The following SUN2 variants were observed in gnomAD, a reference collection of about 807,000 sequenced individuals.
SUN2 encodes Sad1 and UNC84 domain containing 2.
In SUN2, 60 loss-of-function variants were observed where a neutral mutation model predicts 100.0. The observed-to-expected ratio is 0.60, with a 90% confidence interval of 0.49 to 0.74. The LOEUF is 0.74. SUN2 is among the 30% of genes least tolerant of loss of function. The pLI, the probability that SUN2 is intolerant of heterozygous loss-of-function variation, is 0.00. For missense variants in SUN2, 834 were observed against 954.6 expected (o/e 0.87, Z 1.66); for synonymous variants, 367 against 403.3 (o/e 0.91, Z 1.08).
Position 38,751,260 on chromosome 22 carries a change from C to G in SUN2, c.236G>C (p.Trp79Ser). Residue 79 changes from tryptophan (W) to serine (S), a missense_variant, in exon 3 of 18, where the codon TGG becomes TCG. Physicochemically the swap from Trp to Ser is radical, Grantham distance 177. Around this residue, in one of 3 missense-constraint regions of SUN2, gnomAD observed 559 missense variants for 597.7 expected, o/e 0.94. Coordinates refer to ENST00000689035, the MANE Select transcript of SUN2 (RefSeq NM_015374.3). Reference protein sequence around the residue: ...YYSESLVHESWFPPRSSLEEL... With the variant: ...YYSESLVHESSFPPRSSLEEL... ...CTCCAGGGAGCTCCTGGGTGGGAACCAGGACTCGTGGACCAGCGACTCACT... is the reference window on the plus strand; with the variant it reads ...CTCCAGGGAGCTCCTGGGTGGGAACGAGGACTCGTGGACCAGCGACTCACT... 6.2e-7 allele frequency: 1 copy of G among 1,614,058 alleles called. No homozygotes were observed. The highest frequency in any genetic ancestry group is 1.3e-5 in the African/African-American group (1 of 75,042).
chr22:38,741,012 C>T lies in SUN2; in HGVS notation c.1185G>A (p.Trp395Ter). 6.3e-7 allele frequency: 1 copy of T among 1,595,056 alleles called. No individual in the cohort carries two copies. The highest frequency in any genetic ancestry group is 8.5e-7 in the Non-Finnish European group (1 of 1,170,828). The part of the protein sequence containing the change: ...EARIQQLKSE[W>*]QSMTQESFQE... ...CAGCTGGTGGCGCCCAGTACCTTTG[C>T]CACTCTGACTTCAGCTGCTGGATGC... The change falls in exon 11 of 18, where the codon TGG (tryptophan) becomes TGA (stop). Residue 395 changes from tryptophan (W) to a stop codon, truncating the protein, a stop_gained. Coordinates refer to ENST00000689035, the MANE Select transcript of SUN2 (RefSeq NM_015374.3). LOFTEE classifies it high-confidence loss of function.
chr22:38,736,082 G>A lies in SUN2; in HGVS notation c.*185C>T, dbSNP rs1014257610. On this transcript the variant is annotated 3_prime_UTR_variant, in exon 18 of 18. Transcript: ENST00000689035. ...GGGAAGGAAGAAGGGAGCTGCTGGAGCCTGCTAACCGCCTCGAGCCACCTG... is the reference window on the plus strand; with the variant it reads ...GGGAAGGAAGAAGGGAGCTGCTGGAACCTGCTAACCGCCTCGAGCCACCTG... The A allele has an allele frequency of 1.5e-6, 1 of 672,362 alleles. No individual in the cohort carries two copies. Among genetic ancestry groups the A allele is most frequent in the East Asian group, 2.8e-5 (1 of 35,308 alleles). 41.6% of individuals were successfully genotyped at this position (672,362 alleles called of 1,614,324 possible).
Position 38,738,572 on chromosome 22 carries a change from A to G in SUN2, c.1947+15T>C. Reference sequence around the variant, plus strand: ...CCTGCAGCCCCTCTGGCCCCACCACAGGACAGATACTCACAAAGATGGCGA... The same window carrying G: ...CCTGCAGCCCCTCTGGCCCCACCACGGGACAGATACTCACAAAGATGGCGA... On this transcript the variant is annotated intron_variant, in intron 16 of 17. Transcript: ENST00000689035. The surrounding 1 kb of genome is among the most constrained non-coding windows in gnomAD (Gnocchi z 6.6). The G allele has an allele frequency of 6.2e-7, 1 of 1,609,324 alleles. No individual in the cohort carries two copies. The highest frequency in any genetic ancestry group is 1.3e-5 in the African/African-American group (1 of 74,980).
intron 7 of SUN2, among the ~76,000 whole-genome samples, chr22:38,746,828 G>C (rs1473529527): frequency 6.6e-6 from 1 of 150,906 alleles, no homozygotes; most frequent in Non-Finnish European, 1.5e-5. Flanking sequence ...TCAGGAGATC[G>C]AGACCATCCT....
chr22:38,746,965 T>C (rs1221763523), intron 7 of SUN2, among the ~76,000 whole-genome samples: 1 of 149,106 alleles, frequency 6.7e-6, no homozygotes, highest in Non-Finnish European at 1.5e-5. Flanking sequence ...ACCTGGGAGG[T>C]GGAGCTTGCA....
Position 38,742,285 on chromosome 22 carries a change from G to T in SUN2, c.1068+16C>A. 1 of 1,582,354 alleles carries T rather than the reference G, an allele frequency of 6.3e-7. No homozygotes were observed. Among genetic ancestry groups the T allele is most frequent in the Non-Finnish European group, 8.6e-7 (1 of 1,158,396 alleles). On this transcript the variant is annotated intron_variant, in intron 9 of 17. Coordinates refer to ENST00000689035, the MANE Select transcript of SUN2 (RefSeq NM_015374.3). Reference sequence around the variant, plus strand: ...GGTGTCACCCACCTCCCACCCTGAGGTATTCCACCTCCTACCTGGATGCGA... The same window carrying T: ...GGTGTCACCCACCTCCCACCCTGAGTTATTCCACCTCCTACCTGGATGCGA...
At chr22:38,750,137 G>A in intron 5 of SUN2, 88 bp downstream of exon 5, 1 of 1,532,592 alleles carries the variant, frequency 6.5e-7, no homozygotes, top group Admixed American at 1.8e-5. Context: ...CAGTCTCTCT[G>A]CATGGGCAGG....
intron 5 of SUN2, 56 bp downstream of exon 5, chr22:38,750,169 G>A: frequency 2.5e-6 from 4 of 1,587,060 alleles, no homozygotes; most frequent in Middle Eastern, 1.7e-4. Context: ...CAGAGAGATG[G>A]GTAAGAAAGC....
At position 38,738,213 on chromosome 22, in the gene SUN2, T is replaced by A; in HGVS notation, c.2000A>T (p.Tyr667Phe). 1 of 1,613,982 alleles carries A rather than the reference T, an allele frequency of 6.2e-7. No individual in the cohort carries two copies. The highest frequency in any genetic ancestry group is 8.5e-7 in the Non-Finnish European group (1 of 1,179,996). The change falls in exon 17 of 18, where the codon TAC (tyrosine) becomes TTC (phenylalanine). Residue 667 changes from tyrosine (Y) to phenylalanine (F), a missense_variant. Physicochemically the swap from Tyr to Phe is conservative, Grantham distance 22. Transcript: ENST00000689035. The surrounding 1 kb of genome is among the most constrained non-coding windows in gnomAD (Gnocchi z 6.6). ...QEGTLLGKFT[Y>F]DQDGEPIQTF... ...CTGAATAGGCTCGCCGTCCTGATCGTAAGTGAACTTGCCAAGGAGTGTCCC... is the reference window on the plus strand; with the variant it reads ...CTGAATAGGCTCGCCGTCCTGATCGAAAGTGAACTTGCCAAGGAGTGTCCC...
rs745738283 is a variant in SUN2 at position 38,738,876 on chromosome 22, G to C, written c.1776C>G (p.Leu592=). The C allele has an allele frequency of 6.2e-7, 1 of 1,603,166 alleles. No homozygotes were observed. The highest frequency in any genetic ancestry group is 8.5e-7 in the Non-Finnish European group (1 of 1,172,582). ...GCTGTGCTTGCCAGGTGCCCACCTG[G>C]AGGATGACTCGGGGTGACTGGGAGT... ...WYHSQSPRVI[L]QPDVHPGNCW... is the part of the protein sequence containing the mutation. Residue 592 remains leucine, a synonymous_variant, in exon 15 of 18, where the codon CTC becomes CTG. Transcript: ENST00000689035. This position sits in a 1 kb window ranked among gnomAD's most constrained non-coding sequence, Gnocchi z 6.6.
At chr22:38,746,494 A>G (rs980269408) in intron 7 of SUN2, among the ~76,000 whole-genome samples, 3 of 152,300 alleles carry the variant, frequency 2.0e-5, no homozygotes, top group South Asian at 2.1e-4. Context: ...TTCGCTACTC[A>G]AGCACCAGAG....
chr22:38,745,638 C>T (rs948223287), intron 8 of SUN2, 46 bp downstream of exon 8: 5 of 1,605,658 alleles, frequency 3.1e-6, no homozygotes, highest in East Asian at 2.2e-5. Context: ...TCACCGTCAC[C>T]TAATTATTGC....
At position 38,736,156 on chromosome 22, in the gene SUN2, C is replaced by A; in HGVS notation, c.*111G>T. The A allele has an allele frequency of 9.5e-7, 1 of 1,052,268 alleles. No individual in the cohort carries two copies. 65.2% of individuals were successfully genotyped at this position (1,052,268 alleles called of 1,614,324 possible). A position where few individuals can be genotyped will look rare whatever the true frequency, so the allele number is the denominator to read the frequency against. On this transcript the variant is annotated 3_prime_UTR_variant, in exon 18 of 18. Transcript: ENST00000689035. ...CTTTTCATCTGCATGGGGCCACAGGCTCCTCTCTTGTGCTCCTAGAAGTCA... is the reference window on the plus strand; with the variant it reads ...CTTTTCATCTGCATGGGGCCACAGGATCCTCTCTTGTGCTCCTAGAAGTCA...
In SUN2 at chr22:38,738,906, C is replaced by A. The variant is rs1370457089; in HGVS notation, c.1746G>T (p.Trp582Cys). ...ALLSLFGIPL[W>C]YHSQSPRVIL... is the part of the protein sequence containing the mutation. ...TGACTCGGGGTGACTGGGAGTGGTA[C>A]CACAGGGGGATGCCGAAGAGGCTGA... is the stretch of plus-strand genomic sequence containing the variant. The change falls in exon 15 of 18, where the codon TGG becomes TGT. Residue 582 changes from tryptophan (W) to cysteine (C), a missense_variant. Physicochemically the swap from Trp to Cys is radical, Grantham distance 215. This residue lies in a region of SUN2 where 195 missense variants were observed against 280.2 expected (regional missense o/e 0.70). Transcript: ENST00000689035. This position sits in a 1 kb window ranked among gnomAD's most constrained non-coding sequence, Gnocchi z 6.6. The A allele has an allele frequency of 1.9e-6, 3 of 1,611,202 alleles. No homozygotes were observed. Among genetic ancestry groups the A allele is most frequent in the Non-Finnish European group, 2.5e-6 (3 of 1,178,354 alleles).
In SUN2 at chr22:38,741,024, C is replaced by G. The variant is rs771977029; in HGVS notation, c.1173G>C (p.Leu391=). ...CCCAGTACCTTTGCCACTCTGACTT[C>G]AGCTGCTGGATGCGAGCCTCGGACT... ...SQESEARIQQ[L]KSEWQSMTQE... is the part of the protein sequence containing the mutation. The change falls in exon 11 of 18, where the codon CTG becomes CTC. Residue 391 remains leucine, a synonymous_variant. Coordinates refer to ENST00000689035, the MANE Select transcript of SUN2 (RefSeq NM_015374.3). The G allele has an allele frequency of 3.8e-6, 6 of 1,598,024 alleles. No homozygotes were observed. The highest frequency in any genetic ancestry group is 5.1e-6 in the Non-Finnish European group (6 of 1,172,308).
chr22:38,749,672 C>T (rs2092928618), intron 6 of SUN2, 94 bp downstream of exon 6: 20 of 1,199,460 alleles, frequency 1.7e-5, no homozygotes, highest in Non-Finnish European at 2.4e-5. Context: ...TGGGGAAAAC[C>T]CTCAGAGAAT....
At chr22:38,747,931 A>C (rs1159332480) in intron 7 of SUN2, among the ~76,000 whole-genome samples, 1 of 152,204 alleles carries the variant, frequency 6.6e-6, no homozygotes, top group Admixed American at 6.5e-5. Context: ...TGACAGAAGA[A>C]GACTTTGTCT....
At position 38,755,987 on chromosome 22, in the gene SUN2, C is replaced by G; in HGVS notation, c.-262G>C. The G allele has an allele frequency of 2.0e-6, 2 of 984,384 alleles. No homozygotes were observed. Among genetic ancestry groups the G allele is most frequent in the African/African-American group, 1.7e-5 (1 of 57,200 alleles). The allele number at this position is 984,384 out of a possible 1,614,324, so 61.0% of individuals were successfully genotyped here. A position where few individuals can be genotyped will look rare whatever the true frequency, so the allele number is the denominator to read the frequency against. On this transcript the variant is annotated 5_prime_UTR_variant, in exon 1 of 18. Coordinates refer to ENST00000689035, the MANE Select transcript of SUN2 (RefSeq NM_015374.3). This position sits in a 1 kb window ranked among gnomAD's most constrained non-coding sequence, Gnocchi z 5.7. ...CCCGCGCTGCGCGAGTGGGGCCGGG[C>G]GGCGCGCGTGTGGCCGACTCTGTAT...
Position 38,750,327 on chromosome 22 carries a change from G to C in SUN2, c.425-7C>G. 6.2e-7 allele frequency: 1 copy of C among 1,613,832 alleles called. No homozygotes were observed. Among genetic ancestry groups the C allele is most frequent in the Non-Finnish European group, 8.5e-7 (1 of 1,179,988 alleles). On this transcript the variant is annotated splice_polypyrimidine_tract_variant and splice_region_variant and intron_variant, in intron 4 of 17. Coordinates refer to ENST00000689035, the MANE Select transcript of SUN2 (RefSeq NM_015374.3). ...TGGTCCACATCCGAGTAGCCTGCGG[G>C]GAACGAGGACACTGGCTCAGTCTCT...
Sources: allele counts gnomAD v4.1 joint callset (sites outside exome capture counted in the v4.1 genomes callset), GRCh38; gene constraint gnomAD v4.1.1; regional missense constraint gnomAD v4.1.1; non-coding constraint Gnocchi (gnomAD v3.1); transcripts MANE v1.5; gene names NCBI Gene and HGNC (gene_info 2026-07-23, HGNC 2026-07-21).